Variants in COA1 observed in about 807,000 individuals in gnomAD.
COA1 encodes cytochrome c oxidase assembly factor 1 homolog.
A neutral mutation model predicts 16.0 loss-of-function variants in COA1; 13 were observed. The observed-to-expected ratio is 0.81, with a 90% confidence interval of 0.53 to 1.29. The LOEUF (loss-of-function observed/expected upper bound fraction) is 1.29, where lower values mean the gene tolerates loss of function less well. Ranked by LOEUF, COA1 falls within the 50% of genes most tolerant of loss-of-function variation. The probability of loss-of-function intolerance (pLI) is 0.00; values close to 1 mark genes in which losing one functional copy is unlikely to be tolerated. For missense variants in COA1, 179 were observed against 177.0 expected (o/e 1.01, Z -0.06); for synonymous variants, 65 against 65.7 (o/e 0.99, Z 0.05).
chr7:43,686,585 C>G (rs76578009), intron 1 of COA1, among the ~76,000 whole-genome samples: 1 of 152,168 alleles, frequency 6.6e-6, no homozygotes, highest in African/African-American at 2.4e-5. Flanking sequence ...TGAGCCACCG[C>G]GCCCGGCCGG....
At chr7:43,726,906 A>G (rs2095627719) in intron 1 of COA1, among the ~76,000 whole-genome samples, 1 of 152,260 alleles carries the variant, frequency 6.6e-6, no homozygotes, top group African/African-American at 2.4e-5. Context: ...GAAGATAAAT[A>G]AATGGGCAAT....
intron 4 of COA1, chr7:43,640,936 A>G: frequency 3.2e-6 from 1 of 312,612 alleles, no homozygotes; most frequent in Non-Finnish European, 5.8e-6. Flanking sequence ...TCCACTGTTA[A>G]AAAGGAGCAA....
chr7:43,700,591 C>CGTGTGTGTGTGT (rs58589217), intron 1 of COA1, among the ~76,000 whole-genome samples: 3,640 of 144,900 alleles, frequency 0.025, 69 homozygotes, highest in African/African-American at 0.036. Context: ...TGTATATATA[C>CGTGTGTGTGTGT]GTGTGTGTGT....
intron 1 of COA1, among the ~76,000 whole-genome samples, chr7:43,674,746 G>A (rs969903383): frequency 1.3e-5 from 2 of 152,298 alleles, no homozygotes; most frequent in South Asian, 2.1e-4. Flanking sequence ...GTCACAGAGG[G>A]AGTAAATATG....
Position 43,711,990 on chromosome 7 carries a change from T to C in COA1, c.-39+17439A>G, listed in dbSNP as rs1353632051. Among the ~76,000 whole-genome samples the C allele has an allele frequency of 2.6e-5, 4 of 152,184 alleles. No homozygotes were observed. In the East Asian group the frequency reaches 5.8e-4, roughly 22 times the overall value. ...CTACCCCTATTAAAACACGGACTTTTACCAAGACATTAAGACACCCTGATC... is the reference window on the plus strand; with the variant it reads ...CTACCCCTATTAAAACACGGACTTTCACCAAGACATTAAGACACCCTGATC... On this transcript the variant is annotated intron_variant, in intron 1 of 5. Coordinates refer to ENST00000223336, the MANE Select transcript of COA1 (RefSeq NM_018224.4).
chr7:43,664,130 A>AGAGAGAGAGAGAGAGAGAGAGT (rs1307866265), intron 1 of COA1, among the ~76,000 whole-genome samples: 164 of 148,604 alleles, frequency 1.1e-3, no homozygotes, highest in African/African-American at 3.9e-3. Flanking sequence ...AGAGAGAGAG[A>AGAGAGAGAGAGAGAGAGAGAGT]GTCTTGCTAT....
chr7:43,723,984 T>C (rs2095560906), intron 1 of COA1, among the ~76,000 whole-genome samples: 1 of 152,122 alleles, frequency 6.6e-6, no homozygotes, highest in African/African-American at 2.4e-5. Flanking sequence ...TGGAAAACTA[T>C]CCATGATAAA....
chr7:43,691,335 G>GAAAGAAAGAGAA (rs1563382782), intron 1 of COA1, among the ~76,000 whole-genome samples: 2 of 34,472 alleles, frequency 5.8e-5, no homozygotes, highest in Non-Finnish European at 1.1e-4. Flanking sequence ...GAAAGAGAAA[G>GAAAGAAAGAGAA]AGAGAGAGGG....
At chr7:43,685,989 T>G (rs942984112) in intron 1 of COA1, among the ~76,000 whole-genome samples, 8 of 152,214 alleles carry the variant, frequency 5.3e-5, no homozygotes, top group Non-Finnish European at 1.2e-4. Context: ...GTTTATGTAC[T>G]AAAATGCACA....
chr7:43,643,171 A>C (rs542778073), intron 4 of COA1, among the ~76,000 whole-genome samples: 7 of 152,318 alleles, frequency 4.6e-5, no homozygotes, highest in African/African-American at 1.7e-4. Context: ...TCTCAGCACC[A>C]CTGGGGCCAA....
chr7:43,680,131 A>G (rs2093697972), intron 1 of COA1, among the ~76,000 whole-genome samples: 1 of 152,152 alleles, frequency 6.6e-6, no homozygotes, highest in Non-Finnish European at 1.5e-5. Flanking sequence ...CTGCATCAGT[A>G]AAGTCAAATT....
intron 6 of COA1, chr7:43,623,666 G>T (rs1481042487): frequency 1.9e-6 from 3 of 1,606,244 alleles, no homozygotes; most frequent in East Asian, 2.2e-5. Flanking sequence ...TTCAAGAAAT[G>T]AGTATGGTAC....
intron 1 of COA1, among the ~76,000 whole-genome samples, chr7:43,692,460 G>C (rs570113869): frequency 1.3e-5 from 2 of 152,038 alleles, no homozygotes; most frequent in Non-Finnish European, 2.9e-5. Context: ...CAAGGCTACA[G>C]CAAGCCATGA....
intron 1 of COA1, among the ~76,000 whole-genome samples, chr7:43,701,956 C>G (rs567831695): frequency 6.6e-6 from 1 of 152,060 alleles, no homozygotes; most frequent in Admixed American, 6.6e-5. Context: ...TGCTTAAGTT[C>G]CTTATAGATT....
At chr7:43,682,413 T>C (rs2093810199) in intron 1 of COA1, among the ~76,000 whole-genome samples, 1 of 152,218 alleles carries the variant, frequency 6.6e-6, no homozygotes, top group African/African-American at 2.4e-5. Context: ...TTTCAATAGG[T>C]ACATTTTTTA....
chr7:43,647,055 A>G (rs1169556344), intron 3 of COA1: 1 of 173,370 alleles, frequency 5.8e-6, no homozygotes, highest in Non-Finnish European at 1.3e-5. Context: ...GGATTTTGCC[A>G]TCGTGGTCTC....
intron 6 of COA1, among the ~76,000 whole-genome samples, chr7:43,628,042 A>G (rs909011070): frequency 6.6e-6 from 1 of 152,084 alleles, no homozygotes; most frequent in Non-Finnish European, 1.5e-5. Flanking sequence ...GCTGGAGTGC[A>G]ATGGTGGGAT....
chr7:43,689,608 T>A lies in COA1; in HGVS notation c.-39+39821A>T, dbSNP rs182100383. On this transcript the variant is annotated intron_variant, in intron 1 of 5. Transcript: ENST00000223336. ...ATTCACTGAAAGCAGACTTGTACTA[T>A]GAGAAATGTGGATAAATGTTAAAAG... Among the ~76,000 whole-genome samples, 3 of 152,204 alleles carry A rather than the reference T, an allele frequency of 2.0e-5. No individual in the cohort carries two copies. In the South Asian group the frequency reaches 6.2e-4, roughly 32 times the overall value.
intron 6 of COA1, among the ~76,000 whole-genome samples, chr7:43,616,948 C>T (rs2083408993): frequency 6.6e-6 from 1 of 152,194 alleles, no homozygotes; most frequent in South Asian, 2.1e-4. Context: ...ATTGTAGCCC[C>T]TCTCATCTAT....
Sources: allele counts gnomAD v4.1 joint callset (sites outside exome capture counted in the v4.1 genomes callset), GRCh38; gene constraint gnomAD v4.1.1; transcripts MANE v1.5; gene names NCBI Gene and HGNC (gene_info 2026-07-23, HGNC 2026-07-21).